The following RERE variants were observed in gnomAD, a reference collection of about 807,000 sequenced individuals.
RERE encodes the protein arginine-glutamic acid dipeptide repeats protein.
A neutral mutation model predicts 146.1 loss-of-function variants in RERE; 40 were observed. The observed-to-expected ratio is 0.27, with a 90% CI of 0.21 to 0.36. The LOEUF is 0.36. Among genes scored for constraint, RERE ranks in the 10% least tolerant of loss-of-function variants. The pLI, the probability that RERE is intolerant of heterozygous loss-of-function variation, is 1.00. For missense variants in RERE, 1,933 were observed against 2,138.7 expected, an observed-to-expected ratio of 0.90 and a Z score of 1.90; for synonymous variants, 1,003 against 866.0, an observed-to-expected ratio of 1.16 and a Z score of -2.78.
chr1:8,697,886 A>G (rs965071746), intron 1 of RERE, among the ~76,000 whole-genome samples: 7 of 152,328 alleles, frequency 4.6e-5, no homozygotes, highest in Non-Finnish European at 1.5e-5. Context: ...AAAAGTTCAT[A>G]TTAGGGAGTA....
chr1:8,749,001 G>T (rs1640477879), intron 1 of RERE, among the ~76,000 whole-genome samples: 1 of 152,174 alleles, frequency 6.6e-6, no homozygotes, highest in African/African-American at 2.4e-5. Context: ...CAAGATCTCG[G>T]TAAGCTGTGT....
At chr1:8,410,329 T>C (rs976858406) in intron 12 of RERE, among the ~76,000 whole-genome samples, 10 of 152,174 alleles carry the variant, frequency 6.6e-5, no homozygotes, top group South Asian at 2.1e-4. Context: ...AGAACGGCTG[T>C]TGCAGGAAGC....
intron 1 of RERE, among the ~76,000 whole-genome samples, chr1:8,785,541 C>G (rs570618315): frequency 4.6e-5 from 7 of 152,328 alleles, no homozygotes; most frequent in Admixed American, 4.6e-4. Flanking sequence ...CATTCTCCAA[C>G]AGAGGAATTT....
In RERE at chr1:8,741,011, G is replaced by A. The variant is rs562497082; in HGVS notation, c.-145+76149C>T. Reference sequence around the variant, plus strand: ...CAAGTATTACGTACTGTCCACGATTGAATGTGCTATATTTCATATAACCGG... The same window carrying A: ...CAAGTATTACGTACTGTCCACGATTAAATGTGCTATATTTCATATAACCGG... On this transcript the variant is annotated intron_variant, in intron 1 of 22. Transcript: ENST00000400908. Among the ~76,000 whole-genome samples the A allele has an allele frequency of 1.4e-4, 22 of 152,280 alleles. No individual in the cohort carries two copies. The South Asian group carries it at 4.4e-3, about 30-fold the overall frequency.
At chr1:8,597,910 A>C (rs937366308) in intron 4 of RERE, among the ~76,000 whole-genome samples, 3 of 152,140 alleles carry the variant, frequency 2.0e-5, no homozygotes, top group African/African-American at 7.2e-5. Flanking sequence ...TATTTCCTTA[A>C]GAAATAGCAG....
intron 11 of RERE, chr1:8,425,141 CAGG>C (rs1462354912): frequency 1.3e-5 from 2 of 152,148 alleles, no homozygotes; most frequent in African/African-American, 4.8e-5. Flanking sequence ...TGACACAGTT[CAGG>C]TATGAGATGA....
chr1:8,622,145 T>TA (rs1458328250), intron 3 of RERE, among the ~76,000 whole-genome samples: 1 of 152,308 alleles, frequency 6.6e-6, no homozygotes, highest in East Asian at 1.9e-4. Flanking sequence ...TTGCTGTTAA[T>TA]ACCCTGAGCA....
At chr1:8,492,263 A>C (rs1189101238) in intron 10 of RERE, among the ~76,000 whole-genome samples, 1 of 152,228 alleles carries the variant, frequency 6.6e-6, no homozygotes, top group African/African-American at 2.4e-5. Context: ...CCATGGGCAA[A>C]AGTAGCCAAA....
At chr1:8,515,104 T>A (rs1198960772) in intron 7 of RERE, among the ~76,000 whole-genome samples, 1 of 152,168 alleles carries the variant, frequency 6.6e-6, no homozygotes, top group Admixed American at 6.5e-5. Flanking sequence ...CACGTGGTGG[T>A]GCACACCTGG....
chr1:8,715,613 A>C (rs1639749762), intron 1 of RERE, among the ~76,000 whole-genome samples: 1 of 150,454 alleles, frequency 6.6e-6, no homozygotes, highest in African/African-American at 2.4e-5. Context: ...AAGATATATA[A>C]AAGGTGACGG....
intron 1 of RERE, among the ~76,000 whole-genome samples, chr1:8,720,959 G>A (rs182340980): frequency 1.8e-4 from 27 of 152,238 alleles, no homozygotes; most frequent in Admixed American, 8.5e-4. Context: ...AGGAGGCTGA[G>A]GCAAGAGAAC....
chr1:8,510,799 C>T (rs183286289), intron 7 of RERE, among the ~76,000 whole-genome samples: 1 of 152,236 alleles, frequency 6.6e-6, no homozygotes, highest in Admixed American at 6.5e-5. Context: ...CTGCCTGCAG[C>T]TCAACCTTTG....
intron 11 of RERE, among the ~76,000 whole-genome samples, chr1:8,445,556 C>A (rs879743135): frequency 2.0e-5 from 3 of 152,086 alleles, no homozygotes; most frequent in Non-Finnish European, 4.4e-5. Context: ...GCCCCAACAC[C>A]CAGTGGTTGA....
At chr1:8,465,662 T>C in intron 11 of RERE, 1 of 548,334 alleles carries the variant, frequency 1.8e-6, no homozygotes, top group Non-Finnish European at 3.4e-6. Flanking sequence ...TAACTTTTTT[T>C]AGGAGTAACT....
At chr1:8,505,481 C>T (rs927147592) in intron 8 of RERE, among the ~76,000 whole-genome samples, 4 of 152,004 alleles carry the variant, frequency 2.6e-5, no homozygotes, top group Non-Finnish European at 5.9e-5. Context: ...AAGAGAAGGA[C>T]TTTACTGTAT....
rs2124360750 is a variant in RERE at position 8,358,701 on chromosome 1, A to G, written c.3834T>C (p.Leu1278=). Reference sequence around the variant, plus strand: ...AGGCCAGCAGGGGGTCCGTGGGGTTAAGGGGCATGTAGAAGGGGTGGTTGC... The same window carrying G: ...AGGCCAGCAGGGGGTCCGTGGGGTTGAGGGGCATGTAGAAGGGGTGGTTGC... The part of the protein sequence containing the change: ...TNRNHPFYMP[L]NPTDPLLAYH... The change falls in exon 20 of 23, where the codon CTT becomes CTC. Residue 1278 remains leucine (L), a synonymous_variant. Transcript: ENST00000400908. 2 of 1,597,914 alleles carry G rather than the reference A, an allele frequency of 1.3e-6. No homozygotes were observed. The highest frequency in any genetic ancestry group is 4.5e-5 in the East Asian group (2 of 44,656).
intron 3 of RERE, among the ~76,000 whole-genome samples, chr1:8,620,080 T>C (rs976762884): frequency 5.3e-5 from 8 of 152,198 alleles, no homozygotes; most frequent in African/African-American, 1.9e-4. Context: ...TCCTCAATGA[T>C]ATTGACTCAT....
At chr1:8,609,127 A>G (rs143351492) in intron 4 of RERE, among the ~76,000 whole-genome samples, 1 of 152,184 alleles carries the variant, frequency 6.6e-6, no homozygotes, top group African/African-American at 2.4e-5. Flanking sequence ...CTGAGGCAAG[A>G]GAACTGCTTG....
intron 1 of RERE, among the ~76,000 whole-genome samples, chr1:8,772,106 T>C (rs1368880844): frequency 6.6e-6 from 1 of 151,956 alleles, no homozygotes; most frequent in Non-Finnish European, 1.5e-5. Flanking sequence ...TACATATAAC[T>C]AGAAAAAGAG....
Sources: gnomAD v4.1 joint callset for allele counts (sites outside exome capture counted in the v4.1 genomes callset) on GRCh38, gnomAD v4.1.1 for gene constraint, MANE v1.5 for transcripts, NCBI Gene and HGNC (gene_info 2026-07-23, HGNC 2026-07-21) for gene names.